Variants in NCALD observed in about 807,000 individuals in gnomAD.
The protein encoded by NCALD is neurocalcin-delta.
In NCALD, 10 loss-of-function variants were observed where a neutral mutation model predicts 18.6. The observed-to-expected ratio is 0.54, with a 90% CI of 0.33 to 0.91. The LOEUF (loss-of-function observed/expected upper bound fraction) is 0.91, where lower values mean the gene tolerates loss of function less well. Ranked by LOEUF, NCALD falls within the 40% of genes least tolerant of loss-of-function variation. The pLI is 0.03. For missense variants in NCALD, 184 were observed against 247.6 expected (o/e 0.74, Z 1.72); for synonymous variants, 88 against 87.4 (o/e 1.01, Z -0.04).
chr8:102,068,185 T>C (rs914149264), intron 1 of NCALD, among the ~76,000 whole-genome samples: 1 of 152,214 alleles, frequency 6.6e-6, no homozygotes, highest in East Asian at 1.9e-4. Context: ...ATCAAGAGGC[T>C]GGACACCGAC....
intron 4 of NCALD, among the ~76,000 whole-genome samples, chr8:101,861,770 C>T (rs992122032): frequency 2.6e-5 from 4 of 151,996 alleles, no homozygotes; most frequent in Admixed American, 2.6e-4. Flanking sequence ...CATTTGAGAC[C>T]CTATGCATTT....
chr8:101,777,770 G>A (rs962170370), intron 1 of NCALD, among the ~76,000 whole-genome samples: 5 of 152,148 alleles, frequency 3.3e-5, no homozygotes, highest in Non-Finnish European at 7.4e-5. Context: ...GGTGGAAAAT[G>A]TGTATGAAAA....
At chr8:101,864,162 G>C (rs552094515) in intron 4 of NCALD, among the ~76,000 whole-genome samples, 1 of 152,300 alleles carries the variant, frequency 6.6e-6, no homozygotes, top group East Asian at 1.9e-4. Context: ...GACACTTAAA[G>C]CAAGTCTACT....
intron 1 of NCALD, among the ~76,000 whole-genome samples, chr8:102,031,461 C>T (rs1822666994): frequency 6.6e-6 from 1 of 152,106 alleles, no homozygotes; most frequent in African/African-American, 2.4e-5. Flanking sequence ...GAAGAGACTT[C>T]TAGGGAGGCT....
chr8:102,036,972 TAAAG>T (rs1469548754), intron 1 of NCALD, among the ~76,000 whole-genome samples: 1 of 152,026 alleles, frequency 6.6e-6, no homozygotes, highest in Non-Finnish European at 1.5e-5. Flanking sequence ...GAATGTAACT[TAAAG>T]AAAAAAATTT....
At chr8:101,780,828 T>C (rs1210058554) in intron 1 of NCALD, among the ~76,000 whole-genome samples, 1 of 152,204 alleles carries the variant, frequency 6.6e-6, no homozygotes, top group Non-Finnish European at 1.5e-5. Context: ...TATTTCAAAA[T>C]CAGTGTCTTT....
At chr8:101,717,646 A>G (rs1816148732) in intron 2 of NCALD, among the ~76,000 whole-genome samples, 1 of 152,206 alleles carries the variant, frequency 6.6e-6, no homozygotes, top group African/African-American at 2.4e-5. Context: ...ACTGCTCTGA[A>G]GCAAAGGAGC....
chr8:101,713,398 C>T (rs538343581), intron 2 of NCALD, among the ~76,000 whole-genome samples: 6 of 151,634 alleles, frequency 4.0e-5, no homozygotes, highest in Admixed American at 3.9e-4. Flanking sequence ...AATTCAAAAG[C>T]TAGCAGAAGA....
At chr8:101,798,397 C>T (rs1812719138) in intron 4 of NCALD, among the ~76,000 whole-genome samples, 1 of 152,106 alleles carries the variant, frequency 6.6e-6, no homozygotes, top group Admixed American at 6.5e-5. Flanking sequence ...TTTTAAAATA[C>T]AGTGCCATTT....
At chr8:102,002,940 T>C (rs1161574870) in intron 2 of NCALD, among the ~76,000 whole-genome samples, 1 of 151,666 alleles carries the variant, frequency 6.6e-6, no homozygotes, top group African/African-American at 2.4e-5. Flanking sequence ...GATCTAAAAT[T>C]GACACCCTAA....
Position 102,030,957 on chromosome 8 carries a change from T to TA in NCALD, c.-209-10669dup, listed in dbSNP as rs35761403. Among the ~76,000 whole-genome samples the TA allele has an allele frequency of 6.8e-3, 998 of 147,140 alleles. 5 individuals carry two copies. The highest frequency in any genetic ancestry group is 8.8e-3 in the Non-Finnish European group (585 of 66,304). On this transcript the variant is annotated intron_variant, in intron 1 of 6. Transcript: ENST00000311028. ...TCTTTGTATCCCAAGTGATAAATGA[T>TA]AAAAAAAAAAAGTCAAAATGGAATA... is the stretch of plus-strand genomic sequence containing the variant.
At chr8:101,703,501 C>T (rs1050765689) in intron 2 of NCALD, among the ~76,000 whole-genome samples, 4 of 151,974 alleles carry the variant, frequency 2.6e-5, no homozygotes, top group South Asian at 2.1e-4. Flanking sequence ...CCCTCCCACC[C>T]GAAGCAGCAG....
intron 1 of NCALD, among the ~76,000 whole-genome samples, chr8:102,121,384 G>A (rs1825939466): frequency 1.3e-5 from 2 of 152,134 alleles, no homozygotes; most frequent in Admixed American, 1.3e-4. Flanking sequence ...CCCAGGAGTT[G>A]GAGAGCTTGG....
chr8:101,981,158 A>G (rs1351277565), intron 2 of NCALD, among the ~76,000 whole-genome samples: 3 of 152,080 alleles, frequency 2.0e-5, no homozygotes, highest in Non-Finnish European at 4.4e-5. Context: ...ATATTTCTCA[A>G]ACTAGCTTTG....
At chr8:101,851,952 T>C (rs1345391111) in intron 4 of NCALD, among the ~76,000 whole-genome samples, 2 of 152,128 alleles carry the variant, frequency 1.3e-5, no homozygotes, top group Admixed American at 6.5e-5. Context: ...ATTGCCCTTA[T>C]AAAACTGGAT....
intron 1 of NCALD, among the ~76,000 whole-genome samples, chr8:101,727,195 C>T (rs1816610405): frequency 6.6e-6 from 1 of 152,220 alleles, no homozygotes; most frequent in Admixed American, 6.5e-5. Context: ...CCCAACTGCT[C>T]TCTCTAAAGC....
Position 102,075,023 on chromosome 8 carries a change from G to A in NCALD, c.-210+49214C>T, listed in dbSNP as rs1299607486. Among the ~76,000 whole-genome samples the A allele has an allele frequency of 2.0e-5, 3 of 152,200 alleles. No individual in the cohort carries two copies. The East Asian group carries it at 5.8e-4, about 29-fold the overall frequency. On this transcript the variant is annotated intron_variant, in intron 1 of 6. Coordinates refer to the NCALD transcript ENST00000311028. ...CAGCTGCATCCCAGGCAAAAGGAAG[G>A]AGGAAGGGGAAAAGACAACATCACA...
chr8:101,857,571 C>G (rs1019846569), intron 4 of NCALD, among the ~76,000 whole-genome samples: 1 of 152,156 alleles, frequency 6.6e-6, no homozygotes, highest in Admixed American at 6.5e-5. Context: ...ATTTGCTCTG[C>G]TATTTCCAGA....
At chr8:101,836,969 T>C (rs1353099549) in intron 4 of NCALD, among the ~76,000 whole-genome samples, 2 of 152,194 alleles carry the variant, frequency 1.3e-5, no homozygotes, top group Non-Finnish European at 2.9e-5. Flanking sequence ...ATGTAGGTAA[T>C]CTTGATCTCA....
Sources: gnomAD v4.1 joint callset for allele counts (sites outside exome capture counted in the v4.1 genomes callset) on GRCh38, gnomAD v4.1.1 for gene constraint, MANE v1.5 for transcripts, NCBI Gene and HGNC (gene_info 2026-07-23, HGNC 2026-07-21) for gene names.